AKAP13: variants seen among roughly 807,000 people sequenced by gnomAD.
AKAP13 encodes the protein A-kinase anchor protein 13.
A neutral mutation model predicts 264.5 loss-of-function variants in AKAP13; 80 were observed. The observed-to-expected ratio is 0.30, with a 90% confidence interval of 0.25 to 0.36. The LOEUF (loss-of-function observed/expected upper bound fraction) is 0.36. Ranked by LOEUF, AKAP13 falls within the 10% of genes least tolerant of loss-of-function variation. The pLI, the probability that AKAP13 is intolerant of heterozygous loss-of-function variation, is 1.00. For missense variants in AKAP13, 3,712 were observed against 3,435.2 expected, an observed-to-expected ratio of 1.08 and a Z score of -2.01; for synonymous variants, 1,380 against 1,250.2, an observed-to-expected ratio of 1.10 and a Z score of -2.19.
chr15:85,736,304 CT>C (rs1399943492), intron 33 of AKAP13, among the ~76,000 whole-genome samples, 170 bp downstream of exon 33: 1 of 152,026 alleles, frequency 6.6e-6, no homozygotes, highest in Non-Finnish European at 1.5e-5. Context: ...GGCCTTTCCC[CT>C]GTCTTTGGTC....
chr15:85,706,925 G>A (rs1237503780), intron 17 of AKAP13, among the ~76,000 whole-genome samples: 1 of 152,132 alleles, frequency 6.6e-6, no homozygotes, highest in Non-Finnish European at 1.5e-5. Flanking sequence ...CTCCTTTCTG[G>A]TTTCCTTCCC....
At chr15:85,457,247 T>C (rs1218738184) in intron 1 of AKAP13, among the ~76,000 whole-genome samples, 13 of 151,428 alleles carry the variant, frequency 8.6e-5, no homozygotes, top group Non-Finnish European at 1.9e-4. Context: ...TGAGTGCTGC[T>C]TTTTTTTGGT....
intron 2 of AKAP13, among the ~76,000 whole-genome samples, chr15:85,519,772 C>G (rs559039833): frequency 1.3e-5 from 2 of 152,124 alleles, no homozygotes; most frequent in Admixed American, 6.5e-5. Context: ...GTTAATAGAC[C>G]TGGTTCCTAG....
In AKAP13 at chr15:85,636,408, A is replaced by G. The variant is rs79732007; in HGVS notation, c.4162-2966A>G. Among the ~76,000 whole-genome samples, 1,327 of 152,190 alleles carry G rather than the reference A, an allele frequency of 8.7e-3. 16 individuals are homozygous for G. Among genetic ancestry groups the G allele is most frequent in the African/African-American group, 0.031 (1,275 of 41,498 alleles). On this transcript the variant is annotated intron_variant, in intron 8 of 36. Coordinates refer to ENST00000394518, the MANE Select transcript of AKAP13 (RefSeq NM_007200.5). ...TTCTTTTTCTGCTTTACTGCACTGG[A>G]TAGGACCTCCAGAATATTGTTGAAT...
chr15:85,412,102 A>T lies in AKAP13; in HGVS notation c.-12+31304A>T, dbSNP rs562772034. 1.1e-3 allele frequency among the ~76,000 whole-genome samples: 116 copies of T among 106,602 alleles called. 2 individuals carry two copies. The highest frequency in any genetic ancestry group is 4.0e-4 in the East Asian group (2 of 4,956). 69.9% of individuals were successfully genotyped at this position (106,602 alleles called of 152,430 possible). Reference sequence around the variant, plus strand: ...TATTTTCACAAATGATCAATGTATGATGTTACAGCAAAAATCATGCTTGGG... The same window carrying T: ...TATTTTCACAAATGATCAATGTATGTTGTTACAGCAAAAATCATGCTTGGG... On this transcript the variant is annotated intron_variant, in intron 1 of 36. Coordinates refer to ENST00000394518, the MANE Select transcript of AKAP13 (RefSeq NM_007200.5).
At chr15:85,502,932 A>G (rs1258534627) in intron 2 of AKAP13, among the ~76,000 whole-genome samples, 2 of 152,184 alleles carry the variant, frequency 1.3e-5, no homozygotes, top group Non-Finnish European at 2.9e-5. Context: ...ACCATACTTT[A>G]TTTGGCTCTG....
intron 1 of AKAP13, among the ~76,000 whole-genome samples, chr15:85,412,328 T>A (rs1320471385): frequency 1.3e-5 from 2 of 152,236 alleles, no homozygotes; most frequent in Non-Finnish European, 2.9e-5. Flanking sequence ...TCAAATTGGG[T>A]ATCTATTTGA....
chr15:85,530,123 C>T (rs1284799401), intron 3 of AKAP13, among the ~76,000 whole-genome samples: 1 of 152,202 alleles, frequency 6.6e-6, no homozygotes, highest in Non-Finnish European at 1.5e-5. Context: ...TCTGCTAATG[C>T]AGCAGAAAGA....
chr15:85,660,344 C>CT (rs902621047), intron 12 of AKAP13, among the ~76,000 whole-genome samples: 2 of 92,750 alleles, frequency 2.2e-5, no homozygotes, highest in Non-Finnish European at 3.8e-5. Context: ...CAGAGTGAAT[C>CT]TAAGTCTCAA....
At chr15:85,458,408 T>TTTTTA (rs397969839) in intron 1 of AKAP13, among the ~76,000 whole-genome samples, 1 of 147,998 alleles carries the variant, frequency 6.8e-6, no homozygotes, top group African/African-American at 2.5e-5. Flanking sequence ...TTTTTTTTTT[T>TTTTTA]ACTATATATG....
intron 8 of AKAP13, chr15:85,619,713 G>A: frequency 6.0e-6 from 6 of 1,002,064 alleles, no homozygotes; most frequent in Non-Finnish European, 7.1e-6. Context: ...GTTATGCTTA[G>A]CCAGTTTATT....
intron 36 of AKAP13, 191 bp downstream of exon 36, chr15:85,744,016 T>C: frequency 1.6e-6 from 1 of 639,002 alleles, no homozygotes. Context: ...CCACTCTGTG[T>C]GGCACGTGTG....
intron 14 of AKAP13, among the ~76,000 whole-genome samples, chr15:85,679,247 AAAC>A (rs143227384): frequency 0.19 from 28,149 of 151,670 alleles, 3,400 homozygotes; most frequent in Middle Eastern, 0.4. Context: ...CTCAAAAAAA[AAAC>A]AACAACAAAA....
chr15:85,645,703 G>A (rs2082526085), intron 9 of AKAP13, 115 bp from the exon 10 acceptor site: 3 of 1,112,948 alleles, frequency 2.7e-6, no homozygotes, highest in East Asian at 5.2e-5. Context: ...AGAGAAAAGA[G>A]TGAGAGAGAG....
chr15:85,629,559 A>G (rs1453245363), intron 8 of AKAP13, among the ~76,000 whole-genome samples: 1 of 152,090 alleles, frequency 6.6e-6, no homozygotes, highest in Non-Finnish European at 1.5e-5. Context: ...CTGGAAGCTT[A>G]TGGTCTTTTG....
intron 1 of AKAP13, among the ~76,000 whole-genome samples, chr15:85,420,759 T>A (rs1046243930): frequency 2.0e-5 from 3 of 152,136 alleles, no homozygotes; most frequent in Non-Finnish European, 4.4e-5. Context: ...AAAGAGAATT[T>A]CCCCCAATAT....
intron 3 of AKAP13, among the ~76,000 whole-genome samples, chr15:85,522,771 A>C (rs2076867425): frequency 6.6e-6 from 1 of 152,062 alleles, no homozygotes; most frequent in South Asian, 2.1e-4. Context: ...ATCCTCAGAA[A>C]TCATTCCTGA....
intron 2 of AKAP13, among the ~76,000 whole-genome samples, chr15:85,518,714 A>G (rs539161133): frequency 6.6e-6 from 1 of 152,146 alleles, no homozygotes; most frequent in African/African-American, 2.4e-5. Flanking sequence ...CTGTTGTCCC[A>G]GCTACTTGGG....
intron 1 of AKAP13, among the ~76,000 whole-genome samples, chr15:85,402,461 C>A (rs1358624411): frequency 1.3e-5 from 2 of 152,120 alleles, no homozygotes; most frequent in Non-Finnish European, 1.5e-5. Flanking sequence ...CTGGCTGAAT[C>A]ATGAAGGAAC....
Sources: allele counts gnomAD v4.1 joint callset (sites outside exome capture counted in the v4.1 genomes callset), GRCh38; gene constraint gnomAD v4.1.1; transcripts MANE v1.5; gene names NCBI Gene and HGNC (gene_info 2026-07-23, HGNC 2026-07-21).